Variants in KANK1 observed in about 807,000 individuals in gnomAD.
KANK1 encodes the protein KN motif and ankyrin repeat domains 1.
In KANK1, 109 loss-of-function variants were observed where a neutral mutation model predicts 106.2. The observed-to-expected ratio is 1.03, with a 90% confidence interval of 0.88 to 1.20. KANK1 has a LOEUF of 1.20. Among genes scored for constraint, KANK1 ranks in the 50% most tolerant of loss-of-function variants. The pLI is 0.00. For missense variants in KANK1, 2,399 were observed against 1,710.7 expected, an observed-to-expected ratio of 1.40 and a Z score of -7.10; for synonymous variants, 873 against 652.2, an observed-to-expected ratio of 1.34 and a Z score of -5.16.
chr9:538,198 A>G (rs1443146811), intron 1 of KANK1, among the ~76,000 whole-genome samples: 4 of 152,130 alleles, frequency 2.6e-5, no homozygotes, highest in Non-Finnish European at 5.9e-5. Flanking sequence ...AAAGTTAATA[A>G]TAGTGCCCAA....
chr9:512,397 TC>T (rs927127902), intron 1 of KANK1, among the ~76,000 whole-genome samples: 163 of 152,122 alleles, frequency 1.1e-3, no homozygotes, highest in African/African-American at 3.9e-3. Context: ...GCTGGAGAAT[TC>T]CCTCCAGCTC....
At position 606,430 on chromosome 9, in the gene KANK1, C is replaced by T. The variant is rs905298236; in HGVS notation, c.-83-70460C>T. Reference sequence around the variant, plus strand: ...AATTAGCCGGGTGTGGTGGTGCATGCCTGTAATCTCAGCTACTCAGGAGGT... The same window carrying T: ...AATTAGCCGGGTGTGGTGGTGCATGTCTGTAATCTCAGCTACTCAGGAGGT... On this transcript the variant is annotated intron_variant, in intron 1 of 11. Coordinates refer to ENST00000382297, the MANE Select transcript of KANK1 (RefSeq NM_015158.5). Among the ~76,000 whole-genome samples, 12 of 146,850 alleles carry T rather than the reference C, an allele frequency of 8.2e-5. 1 individual carries two copies. Among genetic ancestry groups the T allele is most frequent in the African/African-American group, 1.6e-4 (6 of 36,894 alleles).
At chr9:704,992 CAAAAAAAA>C (rs71314728) in intron 2 of KANK1, among the ~76,000 whole-genome samples, 9 of 53,094 alleles carry the variant, frequency 1.7e-4, no homozygotes, top group Admixed American at 5.6e-4. Context: ...GACCCTGTCT[CAAAAAAAA>C]AAAAAAAAAA....
intron 1 of KANK1, among the ~76,000 whole-genome samples, chr9:565,966 T>A (rs912163611): frequency 2.3e-4 from 35 of 152,294 alleles, no homozygotes; most frequent in African/African-American, 7.9e-4. Flanking sequence ...ATCACCCAGG[T>A]GTTAAGTTAA....
chr9:654,273 A>T (rs751299432), intron 1 of KANK1, among the ~76,000 whole-genome samples: 2 of 152,170 alleles, frequency 1.3e-5, no homozygotes, highest in Non-Finnish European at 2.9e-5. Context: ...AGACTTTGAG[A>T]AACAGTGGCC....
rs112726122 is a variant in KANK1, at chr9:744,534, A to G, written c.3941A>G (p.Lys1314Arg). 36 of 1,614,188 alleles carry G rather than the reference A, an allele frequency of 2.2e-5. No individual in the cohort carries two copies. The African/African-American group carries it at 2.7e-4, about 12-fold the overall frequency. The change falls in exon 11 of 12, where the codon AAG (lysine) becomes AGG (arginine). Residue 1314 changes from lysine to arginine, a missense_variant. Coordinates refer to ENST00000382297, the MANE Select transcript of KANK1 (RefSeq NM_015158.5). ...ALSIALEAGH[K>R]DIAVLLYAHV... The stretch of plus-strand genomic sequence containing the variant: ...TCAATCGCCCTGGAAGCAGGACACA[A>G]GGACATCGCTGTTCTTCTGTATGCC...
At chr9:558,955 C>T (rs1359930470) in intron 1 of KANK1, 1 of 152,196 alleles carries the variant, frequency 6.6e-6, no homozygotes, top group East Asian at 1.9e-4. Flanking sequence ...TTTTGGTTCT[C>T]TCCACCTGTG....
chr9:614,446 T>A (rs1831317037), intron 1 of KANK1, among the ~76,000 whole-genome samples: 2 of 152,212 alleles, frequency 1.3e-5, no homozygotes, highest in Admixed American at 1.3e-4. Flanking sequence ...AAGTTAATGG[T>A]ATTTTGTTAA....
intron 1 of KANK1, among the ~76,000 whole-genome samples, chr9:543,478 G>C (rs1321746205): frequency 6.6e-6 from 1 of 150,680 alleles, no homozygotes; most frequent in Non-Finnish European, 1.5e-5. Context: ...AGAATTGCTT[G>C]AACCCAGGAA....
chr9:549,219 A>G (rs1373352916), intron 1 of KANK1: 1 of 152,296 alleles, frequency 6.6e-6, no homozygotes, highest in Admixed American at 6.5e-5. Flanking sequence ...AGAGTAGAGA[A>G]GACCCCCTCC....
chr9:723,065 A>C (rs1393363202), intron 3 of KANK1, among the ~76,000 whole-genome samples: 1 of 152,214 alleles, frequency 6.6e-6, no homozygotes, highest in Non-Finnish European at 1.5e-5. Flanking sequence ...CAGCTGGTGA[A>C]GGATGGCGAA....
At chr9:674,573 T>C (rs1200366822) in intron 1 of KANK1, among the ~76,000 whole-genome samples, 1 of 152,202 alleles carries the variant, frequency 6.6e-6, no homozygotes, top group African/African-American at 2.4e-5. Context: ...TTCCTTTTTA[T>C]TTACTTATAT....
At chr9:490,470 C>A (rs974093036) in intron 3 of KANK1, among the ~76,000 whole-genome samples, 4 of 152,236 alleles carry the variant, frequency 2.6e-5, no homozygotes, top group African/African-American at 9.6e-5. Context: ...GATTGTGCTA[C>A]TGCACTCCAG....
intron 1 of KANK1, among the ~76,000 whole-genome samples, chr9:561,665 A>G (rs988596580): frequency 6.6e-6 from 1 of 152,230 alleles, no homozygotes; most frequent in African/African-American, 2.4e-5. Flanking sequence ...ATTACCCCAA[A>G]TTAGAGATGT....
intron 3 of KANK1, among the ~76,000 whole-genome samples, chr9:484,894 C>T (rs948898755): frequency 1.3e-5 from 2 of 151,556 alleles, no homozygotes; most frequent in African/African-American, 4.9e-5. Context: ...ATCCCACCTT[C>T]ATTGCATTTT....
intron 1 of KANK1, among the ~76,000 whole-genome samples, chr9:514,232 C>CTCCCTCCCTTCCTTCCTTCCTCCCTCCG (rs1563697283): frequency 9.8e-6 from 1 of 102,172 alleles, no homozygotes; most frequent in Non-Finnish European, 1.8e-5. Flanking sequence ...TCCTCCCTCC[C>CTCCCTCCCTTCCTTCCTTCCTCCCTCCG]TCCCTCCCTT....
chr9:499,556 C>A (rs1326636169), intron 3 of KANK1, among the ~76,000 whole-genome samples: 1 of 152,122 alleles, frequency 6.6e-6, no homozygotes, highest in Non-Finnish European at 1.5e-5. Context: ...CAACTGCCAT[C>A]CTTGCAGAGG....
At chr9:691,530 G>C (rs1001479331) in intron 2 of KANK1, among the ~76,000 whole-genome samples, 2 of 150,838 alleles carry the variant, frequency 1.3e-5, no homozygotes, top group African/African-American at 4.9e-5. Flanking sequence ...CAAAGTGCTA[G>C]GATTGCGGGC....
intron 1 of KANK1, among the ~76,000 whole-genome samples, chr9:664,456 T>G (rs1360895475): frequency 6.6e-6 from 1 of 152,154 alleles, no homozygotes; most frequent in Non-Finnish European, 1.5e-5. Context: ...ACACTTTCTT[T>G]TTAAATATTT....
Sources: allele counts gnomAD v4.1 joint callset (sites outside exome capture counted in the v4.1 genomes callset), GRCh38; gene constraint gnomAD v4.1.1; transcripts MANE v1.5; gene names NCBI Gene and HGNC (gene_info 2026-07-23, HGNC 2026-07-21).